CTNND2: variants seen among roughly 807,000 people sequenced by gnomAD.
CTNND2 encodes catenin delta 2.
CTNND2 carries 22 observed loss-of-function variants against 144.4 expected under a neutral mutation model. The ratio of observed to expected loss-of-function variants is 0.15; its 90% CI spans 0.11 to 0.22. The LOEUF is 0.22. CTNND2 is among the 10% of genes least tolerant of loss of function. CTNND2 has a pLI of 1.00. For missense variants in CTNND2, 1,353 were observed against 1,618.8 expected, an observed-to-expected ratio of 0.84 and a Z score of 2.82; for synonymous variants, 751 against 695.6, an observed-to-expected ratio of 1.08 and a Z score of -1.25.
intron 9 of CTNND2, among the ~76,000 whole-genome samples, chr5:11,320,361 T>C (rs576124551): frequency 2.0e-5 from 3 of 152,322 alleles, no homozygotes; most frequent in East Asian, 3.9e-4. Flanking sequence ...ATCTAAACAC[T>C]GGTGTCCTCA....
chr5:10,982,807 C>A (rs1737453703), intron 20 of CTNND2, among the ~76,000 whole-genome samples: 1 of 152,192 alleles, frequency 6.6e-6, no homozygotes, highest in African/African-American at 2.4e-5. Flanking sequence ...CAATAGAGTA[C>A]TGTTTGGCCA....
intron 7 of CTNND2, among the ~76,000 whole-genome samples, chr5:11,368,819 C>A (rs979563054): frequency 6.6e-6 from 1 of 152,188 alleles, no homozygotes; most frequent in Non-Finnish European, 1.5e-5. Context: ...CTTTGATCCC[C>A]AGTTTCCTCA....
At chr5:11,649,215 A>T (rs1782521454) in intron 2 of CTNND2, among the ~76,000 whole-genome samples, 1 of 152,254 alleles carries the variant, frequency 6.6e-6, no homozygotes, top group Non-Finnish European at 1.5e-5. Flanking sequence ...AGGAGAATAA[A>T]GGTTGCAAAC....
intron 1 of CTNND2, among the ~76,000 whole-genome samples, chr5:11,850,442 G>T (rs1794959985): frequency 6.6e-6 from 1 of 152,112 alleles, no homozygotes; most frequent in Non-Finnish European, 1.5e-5. Flanking sequence ...GGACTTATCT[G>T]CATTTATACC....
intron 8 of CTNND2, among the ~76,000 whole-genome samples, chr5:11,362,581 C>T (rs1013361951): frequency 2.6e-5 from 4 of 152,132 alleles, no homozygotes; most frequent in Non-Finnish European, 5.9e-5. Flanking sequence ...CATAGTATTA[C>T]GTCAATCAGC....
chr5:11,334,313 T>C (rs1753515976), intron 9 of CTNND2, among the ~76,000 whole-genome samples: 1 of 152,176 alleles, frequency 6.6e-6, no homozygotes, highest in Admixed American at 6.5e-5. Context: ...CTGTAACCCA[T>C]AAATATATAC....
chr5:11,861,766 C>A (rs1795514780), intron 1 of CTNND2, among the ~76,000 whole-genome samples: 1 of 152,174 alleles, frequency 6.6e-6, no homozygotes, highest in East Asian at 1.9e-4. Context: ...CCCATCATCT[C>A]TCTGAAGTGA....
chr5:11,780,162 C>T (rs1000804854), intron 1 of CTNND2, among the ~76,000 whole-genome samples: 3 of 152,144 alleles, frequency 2.0e-5, no homozygotes, highest in East Asian at 1.9e-4. Context: ...TGAAGCTGAC[C>T]GCCTCTGGGA....
intron 10 of CTNND2, among the ~76,000 whole-genome samples, chr5:11,227,497 A>G (rs1327433963): frequency 2.6e-5 from 4 of 152,260 alleles, no homozygotes; most frequent in Non-Finnish European, 5.9e-5. Flanking sequence ...GAAACAATTT[A>G]TGATGAAAGA....
intron 12 of CTNND2, among the ~76,000 whole-genome samples, chr5:11,148,998 AG>A (rs900012531): frequency 1.3e-5 from 2 of 152,190 alleles, no homozygotes; most frequent in Admixed American, 6.5e-5. Context: ...CCTGCAGAGG[AG>A]AAATCAGTAA....
At chr5:11,761,905 A>G (rs972265940) in intron 1 of CTNND2, among the ~76,000 whole-genome samples, 1 of 152,206 alleles carries the variant, frequency 6.6e-6, no homozygotes, top group Non-Finnish European at 1.5e-5. Flanking sequence ...TTGGAAAACT[A>G]GATTCTACCA....
chr5:11,346,169 T>C (rs926228793), intron 9 of CTNND2, among the ~76,000 whole-genome samples: 1 of 152,158 alleles, frequency 6.6e-6, no homozygotes, highest in African/African-American at 2.4e-5. Context: ...CAAAAGATCA[T>C]CTCTGTTTTT....
At chr5:11,798,065 C>T (rs994848767) in intron 1 of CTNND2, among the ~76,000 whole-genome samples, 15 of 151,606 alleles carry the variant, frequency 9.9e-5, no homozygotes, top group Non-Finnish European at 2.2e-4. Flanking sequence ...CGAGACCAGC[C>T]TGGCCAACAT....
intron 12 of CTNND2, among the ~76,000 whole-genome samples, chr5:11,123,072 G>A (rs12654959): frequency 0.16 from 23,605 of 152,064 alleles, 2,988 homozygotes; most frequent in East Asian, 0.45. Context: ...TCTGACAGTC[G>A]CAGTTGCCAG....
chr5:11,612,143 T>C (rs952117287), intron 2 of CTNND2, among the ~76,000 whole-genome samples: 2 of 152,206 alleles, frequency 1.3e-5, no homozygotes, highest in African/African-American at 4.8e-5. Context: ...ATCAGGCTGA[T>C]AGATAGGAAA....
intron 10 of CTNND2, among the ~76,000 whole-genome samples, chr5:11,200,736 T>C (rs1737337498): frequency 6.6e-6 from 1 of 152,206 alleles, no homozygotes; most frequent in South Asian, 2.1e-4. Flanking sequence ...TGGAGTGCAG[T>C]GGCGCCATCT....
In CTNND2 at chr5:11,889,183, T is replaced by C. The variant is rs76784049; in HGVS notation, c.37+14634A>G. On this transcript the variant is annotated intron_variant, in intron 1 of 21. Coordinates refer to ENST00000304623, the MANE Select transcript of CTNND2 (RefSeq NM_001332.4). ...TGGAGTAACTAGACAGCATGCAGAA[T>C]GTCAACCATGCAGCTGAAGATAGGG... Among the ~76,000 whole-genome samples the C allele has an allele frequency of 2.2e-3, 341 of 152,298 alleles. 1 individual carries two copies. The highest frequency in any genetic ancestry group is 8.0e-3 in the African/African-American group (332 of 41,554).
At chr5:11,436,834 A>G (rs1190371385) in intron 3 of CTNND2, among the ~76,000 whole-genome samples, 1 of 152,244 alleles carries the variant, frequency 6.6e-6, no homozygotes, top group Non-Finnish European at 1.5e-5. Context: ...TGAAAATGAA[A>G]TAACTACAGC....
At chr5:11,473,636 C>G (rs1465766793) in intron 3 of CTNND2, among the ~76,000 whole-genome samples, 1 of 152,156 alleles carries the variant, frequency 6.6e-6, no homozygotes, top group Non-Finnish European at 1.5e-5. Context: ...ATGTTCATAT[C>G]AAGGAAAAGT....
Sources: gnomAD v4.1 joint callset for allele counts (sites outside exome capture counted in the v4.1 genomes callset) on GRCh38, gnomAD v4.1.1 for gene constraint, MANE v1.5 for transcripts, NCBI Gene and HGNC (gene_info 2026-07-23, HGNC 2026-07-21) for gene names.